Variants in SSBP3 observed in about 807,000 individuals in gnomAD.
SSBP3 encodes the protein single-stranded DNA-binding protein 3.
In SSBP3, 5 loss-of-function variants were observed where a neutral mutation model predicts 69.6. The ratio of observed to expected loss-of-function variants is 0.07; its 90% CI spans 0.04 to 0.15. SSBP3 has a LOEUF of 0.15. Ranked by LOEUF, SSBP3 falls within the 10% of genes least tolerant of loss-of-function variation. The pLI is 1.00. For missense variants in SSBP3, 312 were observed against 534.0 expected (o/e 0.58, Z 4.10); for synonymous variants, 196 against 193.4 (o/e 1.01, Z -0.11).
intron 4 of SSBP3, among the ~76,000 whole-genome samples, chr1:54,353,061 A>G (rs538575979): frequency 6.6e-6 from 1 of 152,182 alleles, no homozygotes; most frequent in Non-Finnish European, 1.5e-5. Context: ...TCAGACCGTC[A>G]TGCCATCCCC....
In SSBP3 at chr1:54,350,785, G is replaced by A. The variant is rs192925886; in HGVS notation, c.276+51076C>T. Among the ~76,000 whole-genome samples, 459 of 152,194 alleles carry A rather than the reference G, an allele frequency of 3.0e-3. 2 individuals carry two copies. Among genetic ancestry groups the A allele is most frequent in the African/African-American group, 9.2e-3 (382 of 41,524 alleles). On this transcript the variant is annotated intron_variant, in intron 4 of 17. Coordinates refer to ENST00000610401, the Ensembl canonical transcript of SSBP3. ...ATGACCATCCAAAAATCATATCAAC[G>A]TGTAAATAAACTCAAGAGTCTGGAC...
chr1:54,238,918 G>A (rs1644551883), intron 14 of SSBP3: 1 of 386,046 alleles, frequency 2.6e-6, no homozygotes, highest in Non-Finnish European at 5.2e-6. Context: ...CAGAGGGTGG[G>A]CATCGTCCCA....
chr1:54,312,999 C>A (rs972759718), intron 4 of SSBP3, among the ~76,000 whole-genome samples: 2 of 149,890 alleles, frequency 1.3e-5, no homozygotes, highest in African/African-American at 4.9e-5. Context: ...TGGCCCTGAG[C>A]CTGCCCACGT....
At chr1:54,355,250 G>A (rs1646844598) in intron 4 of SSBP3, among the ~76,000 whole-genome samples, 1 of 152,232 alleles carries the variant, frequency 6.6e-6, no homozygotes, top group Non-Finnish European at 1.5e-5. Flanking sequence ...AGGCTACTGT[G>A]CTCAACTAAG....
chr1:54,249,368 T>C (rs1358376400), intron 9 of SSBP3, among the ~76,000 whole-genome samples: 2 of 152,210 alleles, frequency 1.3e-5, no homozygotes, highest in African/African-American at 4.8e-5. Context: ...ATAGCCTCCT[T>C]AGCGGGAGCA....
chr1:54,346,784 T>C (rs150207470), intron 4 of SSBP3, among the ~76,000 whole-genome samples: 2 of 149,688 alleles, frequency 1.3e-5, no homozygotes, highest in East Asian at 2.0e-4. Flanking sequence ...CACTGCACTC[T>C]AGCCTGGGCA....
chr1:54,249,804 G>A (rs1192687611), intron 9 of SSBP3, among the ~76,000 whole-genome samples: 4 of 150,558 alleles, frequency 2.7e-5, no homozygotes, highest in South Asian at 4.2e-4. Flanking sequence ...AAGGGAACTG[G>A]ACACTGGACC....
At chr1:54,404,672 C>G (rs371643640) in intron 2 of SSBP3, 35 bp from the exon 3 acceptor site, 2 of 1,613,396 alleles carry the variant, frequency 1.2e-6, no homozygotes, top group Non-Finnish European at 1.7e-6. Flanking sequence ...CTTAGAGGAG[C>G]AGAGACGGGG....
chr1:54,295,078 T>C (rs557616620), intron 4 of SSBP3, among the ~76,000 whole-genome samples: 252 of 152,118 alleles, frequency 1.7e-3, no homozygotes, highest in Middle Eastern at 6.8e-3. Context: ...GCGGGAGGAA[T>C]CCATCACCCC....
At chr1:54,407,272 G>C (rs1022899872), upstream of SSBP3, among the ~76,000 whole-genome samples, 3 of 152,172 alleles carry the variant, frequency 2.0e-5, no homozygotes, top group African/African-American at 7.2e-5. Flanking sequence ...CACGGGAAAG[G>C]GTGCCACTCG....
At chr1:54,330,313 G>A (rs1646385448) in intron 4 of SSBP3, among the ~76,000 whole-genome samples, 1 of 152,224 alleles carries the variant, frequency 6.6e-6, no homozygotes, top group African/African-American at 2.4e-5. Flanking sequence ...GACCAAGAGG[G>A]AGGCATGAAT....
At position 54,386,683 on chromosome 1, in the gene SSBP3, C is replaced by CTTTTTTTTTTTTTTTT. The variant is rs58429798; in HGVS notation, c.276+15162_276+15177dup. Among the ~76,000 whole-genome samples the CTTTTTTTTTTTTTTTT allele has an allele frequency of 3.4e-3, 257 of 76,076 alleles. 46 individuals carry two copies. Among genetic ancestry groups the CTTTTTTTTTTTTTTTT allele is most frequent in the African/African-American group, 0.01 (149 of 14,578 alleles). The allele number at this position is 76,076 out of a possible 152,430, so 49.9% of individuals were successfully genotyped here. On this transcript the variant is annotated intron_variant, in intron 4 of 17. Transcript: ENST00000610401. ...ATCCACAATGTATAAACTGATCCTA[C>CTTTTTTTTTTTTTTTT]TTTTTTTTTTTTTTTTTTTTTAAGA...
chr1:54,270,364 C>A (rs1484572040), intron 5 of SSBP3, among the ~76,000 whole-genome samples: 2 of 152,164 alleles, frequency 1.3e-5, no homozygotes, highest in Non-Finnish European at 2.9e-5. Flanking sequence ...CGACCTCCCC[C>A]GGCAGCTCCT....
intron 4 of SSBP3, among the ~76,000 whole-genome samples, chr1:54,332,534 CT>C (rs1263468424): frequency 1.3e-5 from 2 of 152,202 alleles, no homozygotes; most frequent in Non-Finnish European, 2.9e-5. Context: ...CCAAACCCCC[CT>C]GGCCCCAGTC....
chr1:54,349,352 ATGTT>A (rs773168070), intron 4 of SSBP3, among the ~76,000 whole-genome samples: 28 of 152,330 alleles, frequency 1.8e-4, no homozygotes, highest in South Asian at 6.2e-4. Context: ...AGGCACCCAA[ATGTT>A]TGTTTGTTAT....
intron 4 of SSBP3, among the ~76,000 whole-genome samples, chr1:54,315,600 TAA>T (rs552733178): frequency 2.1e-4 from 28 of 136,188 alleles, no homozygotes; most frequent in Admixed American, 1.5e-4. Flanking sequence ...TTTTTTAATT[TAA>T]AAAAAAAAAA....
chr1:54,277,946 A>T (rs144368757), intron 5 of SSBP3, among the ~76,000 whole-genome samples: 1,641 of 152,222 alleles, frequency 0.011, 17 homozygotes, highest in South Asian at 0.016. Flanking sequence ...AAAAAATGCC[A>T]CTGCTTGATT....
At chr1:54,301,417 T>C (rs1316234788) in intron 4 of SSBP3, among the ~76,000 whole-genome samples, 5 of 152,180 alleles carry the variant, frequency 3.3e-5, no homozygotes, top group Non-Finnish European at 1.5e-5. Flanking sequence ...ACCCTGAGTT[T>C]CTGCAGACTG....
rs1553149470 is a variant in SSBP3 at position 54,389,901 on chromosome 1, T to TA, written c.276+11959dup. On this transcript the variant is annotated intron_variant, in intron 4 of 17. Transcript: ENST00000610401. ...CTCAAAAAAAAAAATTTTTTTTTTT[T>TA]AAATTAAGAAGACAAACCTATTAAG... 4.9e-3 allele frequency among the ~76,000 whole-genome samples: 743 copies of TA among 151,398 alleles called. 4 individuals are homozygous for TA. The highest frequency in any genetic ancestry group is 8.4e-3 in the South Asian group (40 of 4,766).
Sources: allele counts gnomAD v4.1 joint callset (sites outside exome capture counted in the v4.1 genomes callset), GRCh38; gene constraint gnomAD v4.1.1; transcripts MANE v1.5; gene names NCBI Gene and HGNC (gene_info 2026-07-23, HGNC 2026-07-21).